CORO2B: variants seen among roughly 807,000 people sequenced by gnomAD.
CORO2B encodes the protein coronin 2B, also known as coronin-2B.
A neutral mutation model predicts 58.8 loss-of-function variants in CORO2B; 26 were observed. That is an observed-to-expected ratio of 0.44 (90% CI 0.32 to 0.61). CORO2B has a LOEUF of 0.61. Ranked by LOEUF, CORO2B falls within the 20% of genes least tolerant of loss-of-function variation. CORO2B has a pLI of 0.04. For synonymous variants in CORO2B, 242 were observed against 253.8 expected (o/e 0.95, Z 0.44); for missense variants, 460 against 645.1 (o/e 0.71, Z 3.11).
intron 1 of CORO2B, among the ~76,000 whole-genome samples, chr15:68,644,516 G>A (rs1157438925): frequency 2.6e-5 from 4 of 152,160 alleles, no homozygotes; most frequent in Non-Finnish European, 5.9e-5. Flanking sequence ...GGAGACCTAT[G>A]TTCATGGCCC....
chr15:68,521,618 A>AC, the CORO2B span, among the ~76,000 whole-genome samples: 1 of 152,132 alleles, frequency 6.6e-6, no homozygotes, highest in African/African-American at 2.4e-5. Context: ...AAGTTTTTAC[A>AC]CTGGCTATAG....
At chr15:68,625,389 A>G (rs1445968986) in intron 1 of CORO2B, among the ~76,000 whole-genome samples, 2 of 151,942 alleles carry the variant, frequency 1.3e-5, no homozygotes, top group African/African-American at 2.4e-5. Flanking sequence ...CACCATCACT[A>G]TCATGATACA....
At chr15:68,556,473 T>C in the CORO2B span, among the ~76,000 whole-genome samples, 4 of 152,140 alleles carry the variant, frequency 2.6e-5, no homozygotes, top group African/African-American at 7.2e-5. Flanking sequence ...ATAGAAAGAC[T>C]GCCACACTCG....
chr15:68,572,514 A>G, the CORO2B span, among the ~76,000 whole-genome samples: 1 of 152,170 alleles, frequency 6.6e-6, no homozygotes, highest in African/African-American at 2.4e-5. Context: ...TGCATGATTT[A>G]TCTGACAGGG....
chr15:68,529,123 T>C, the CORO2B span, among the ~76,000 whole-genome samples: 1 of 152,144 alleles, frequency 6.6e-6, no homozygotes, highest in Non-Finnish European at 1.5e-5. Flanking sequence ...GGTTGTTCAA[T>C]AGGAAGTGGC....
At chr15:68,678,719 G>A (rs1273938652) in intron 2 of CORO2B, among the ~76,000 whole-genome samples, 2 of 152,140 alleles carry the variant, frequency 1.3e-5, no homozygotes, top group Admixed American at 6.5e-5. Flanking sequence ...GCGTGTCCAG[G>A]GATCAGCAGG....
chr15:68,544,933 T>C, the CORO2B span, among the ~76,000 whole-genome samples: 2 of 152,162 alleles, frequency 1.3e-5, no homozygotes, highest in African/African-American at 2.4e-5. Context: ...CCCACCATCA[T>C]GCCCGGCTAA....
At chr15:68,678,587 T>C (rs1421606693) in intron 2 of CORO2B, among the ~76,000 whole-genome samples, 1 of 152,108 alleles carries the variant, frequency 6.6e-6, no homozygotes, top group Non-Finnish European at 1.5e-5. Flanking sequence ...GGCAGGAGAA[T>C]CATTTGAACC....
Position 68,669,526 on chromosome 15 carries a change from C to T in CORO2B, c.216+24166C>T, listed in dbSNP as rs114333301. On this transcript the variant is annotated intron_variant, in intron 2 of 11. Transcript: ENST00000261861. ...GCGTGAATGCATGAGTGGGCCAGGGCTAGGACAGCCAAGAAGAGCAATCTA... is the reference window on the plus strand; with the variant it reads ...GCGTGAATGCATGAGTGGGCCAGGGTTAGGACAGCCAAGAAGAGCAATCTA... Among the ~76,000 whole-genome samples the T allele has an allele frequency of 5.3e-3, 814 of 152,214 alleles. 3 individuals carry two copies. Among genetic ancestry groups the T allele is most frequent in the African/African-American group, 0.019 (772 of 41,518 alleles).
At chr15:68,533,865 G>A in the CORO2B span, among the ~76,000 whole-genome samples, 2 of 152,084 alleles carry the variant, frequency 1.3e-5, no homozygotes, top group African/African-American at 4.8e-5. Flanking sequence ...CCTTTCTGTG[G>A]TCATTTTCCC....
intron 3 of CORO2B, among the ~76,000 whole-genome samples, chr15:68,704,612 A>G (rs1323280845): frequency 6.6e-6 from 1 of 152,148 alleles, no homozygotes; most frequent in Non-Finnish European, 1.5e-5. Flanking sequence ...TGTCCTTATC[A>G]GCTGCCTTGC....
intron 8 of CORO2B, among the ~76,000 whole-genome samples, chr15:68,718,311 C>T (rs74020298): frequency 0.013 from 2,029 of 152,302 alleles, 58 homozygotes; most frequent in African/African-American, 0.046. Flanking sequence ...CTGTTCATTT[C>T]AGAGGGTAAT....
the CORO2B span, among the ~76,000 whole-genome samples, chr15:68,539,179 T>G: frequency 4.5e-3 from 680 of 152,254 alleles, 6 homozygotes; most frequent in African/African-American, 0.016. Flanking sequence ...AGGAGCCTGC[T>G]GAGAGAACAG....
At chr15:68,552,694 G>T in the CORO2B span, among the ~76,000 whole-genome samples, 76,014 of 151,974 alleles carry the variant, frequency 0.5, 21,025 homozygotes, top group East Asian at 0.82. Context: ...CTCTTTCCCT[G>T]CCTTCTCCAT....
In CORO2B at chr15:68,683,011, G is replaced by C. The variant is rs114325129; in HGVS notation, c.217-12129G>C. Among the ~76,000 whole-genome samples, 1,290 of 152,286 alleles carry C rather than the reference G, an allele frequency of 8.5e-3. 16 individuals are homozygous for C. The highest frequency in any genetic ancestry group is 0.03 in the African/African-American group (1,230 of 41,566). On this transcript the variant is annotated intron_variant, in intron 2 of 11. Transcript: ENST00000261861. The stretch of plus-strand genomic sequence containing the variant: ...CAGAAGGAGGGGTTTTTATAATTTT[G>C]GCAGCGGCCCATGCACACAGGAGAA...
chr15:68,553,874 T>C, the CORO2B span, among the ~76,000 whole-genome samples: 1 of 151,906 alleles, frequency 6.6e-6, no homozygotes, highest in Non-Finnish European at 1.5e-5. Flanking sequence ...TGATGAAGAG[T>C]TTGGATGTGT....
the CORO2B span, among the ~76,000 whole-genome samples, chr15:68,556,547 G>A: frequency 3.9e-5 from 6 of 152,224 alleles, no homozygotes; most frequent in Non-Finnish European, 8.8e-5. Context: ...GAGATGTGAG[G>A]GTCGAAAGGA....
chr15:68,652,414 G>T lies in CORO2B; in HGVS notation c.216+7054G>T, dbSNP rs192390483. ...GATTAACCACTGGGGCCTCCCCAGG[G>T]GCACCACCCCTTTCCTGCTGCACTT... is the stretch of plus-strand genomic sequence containing the variant. On this transcript the variant is annotated intron_variant, in intron 2 of 11. Coordinates refer to ENST00000261861, the MANE Select transcript of CORO2B (RefSeq NM_006091.5). Among the ~76,000 whole-genome samples, 10 of 152,212 alleles carry T rather than the reference G, an allele frequency of 6.6e-5. No homozygotes were observed. The East Asian group carries it at 1.9e-3, about 29-fold the overall frequency.
At chr15:68,519,904 A>T in the CORO2B span, among the ~76,000 whole-genome samples, 1 of 152,266 alleles carries the variant, frequency 6.6e-6, no homozygotes, top group South Asian at 2.1e-4. Flanking sequence ...TTTTTCTAAT[A>T]TAAGTATTTA....
Sources: allele counts gnomAD v4.1 joint callset (sites outside exome capture counted in the v4.1 genomes callset), GRCh38; gene constraint gnomAD v4.1.1; transcripts MANE v1.5; gene names NCBI Gene and HGNC (gene_info 2026-07-23, HGNC 2026-07-21).